The following ZFAND3 variants were observed in gnomAD, a reference collection of about 807,000 sequenced individuals.
ZFAND3 encodes the protein zinc finger AN1-type containing 3.
A neutral mutation model predicts 29.6 loss-of-function variants in ZFAND3; 10 were observed. The ratio of observed to expected loss-of-function variants is 0.34; its 90% CI spans 0.21 to 0.57. The LOEUF (loss-of-function observed/expected upper bound fraction) is 0.57, where lower values mean the gene tolerates loss of function less well. ZFAND3 is among the 20% of genes least tolerant of loss of function. The pLI is 0.86. For missense variants in ZFAND3, 230 were observed against 304.5 expected (o/e 0.76, Z 1.82); for synonymous variants, 128 against 112.6 (o/e 1.14, Z -0.87).
chr6:37,881,024 TAC>T (rs199808930), intron 1 of ZFAND3, among the ~76,000 whole-genome samples: 1 of 149,388 alleles, frequency 6.7e-6, no homozygotes, highest in South Asian at 2.1e-4. Context: ...AAAAAAAAAA[TAC>T]TCTTCAAGGG....
chr6:38,000,291 A>G (rs1025783381), intron 2 of ZFAND3, among the ~76,000 whole-genome samples: 1 of 152,220 alleles, frequency 6.6e-6, no homozygotes, highest in Admixed American at 6.5e-5. Context: ...TCTGAAATTG[A>G]GAAACTGTAT....
chr6:37,857,664 C>T (rs1242962134), intron 1 of ZFAND3, among the ~76,000 whole-genome samples: 1 of 152,078 alleles, frequency 6.6e-6, no homozygotes, highest in Non-Finnish European at 1.5e-5. Context: ...GGCGACTTGT[C>T]GAGCAGCTTG....
At chr6:37,936,949 T>G (rs1761709273) in intron 2 of ZFAND3, among the ~76,000 whole-genome samples, 1 of 152,254 alleles carries the variant, frequency 6.6e-6, no homozygotes. Context: ...ACATTTTTCT[T>G]GAAAGTGACT....
intron 3 of ZFAND3, among the ~76,000 whole-genome samples, chr6:38,081,285 A>T (rs1190034993): frequency 6.6e-6 from 1 of 151,828 alleles, no homozygotes; most frequent in Non-Finnish European, 1.5e-5. Context: ...AAAATTTCCC[A>T]TCTGTGTCTT....
At chr6:38,062,949 C>T (rs770346562) in intron 3 of ZFAND3, among the ~76,000 whole-genome samples, 1 of 150,900 alleles carries the variant, frequency 6.6e-6, no homozygotes, top group Admixed American at 6.6e-5. Flanking sequence ...ATTAGCCAGG[C>T]GTGGTGGTGT....
At chr6:37,872,213 GA>G (rs1308542553) in intron 1 of ZFAND3, among the ~76,000 whole-genome samples, 2 of 152,176 alleles carry the variant, frequency 1.3e-5, no homozygotes, top group Non-Finnish European at 2.9e-5. Context: ...AAGCCATTTA[GA>G]AAAACAAAAG....
At chr6:38,066,976 G>A (rs140277145) in intron 3 of ZFAND3, among the ~76,000 whole-genome samples, 117 of 152,290 alleles carry the variant, frequency 7.7e-4, no homozygotes, top group African/African-American at 2.5e-3. Context: ...GCCGTTGGAA[G>A]CCTTTTCCAA....
At chr6:38,019,395 A>C (rs942487194) in intron 2 of ZFAND3, among the ~76,000 whole-genome samples, 15 of 152,044 alleles carry the variant, frequency 9.9e-5, no homozygotes, top group Non-Finnish European at 8.8e-5. Context: ...TTTCTATTAG[A>C]CTTTGGGTCT....
At chr6:37,846,271 T>G (rs987523297) in intron 1 of ZFAND3, among the ~76,000 whole-genome samples, 2 of 152,172 alleles carry the variant, frequency 1.3e-5, no homozygotes, top group African/African-American at 4.8e-5. Context: ...AATATTCCAC[T>G]AAGAACCCAA....
intron 2 of ZFAND3, among the ~76,000 whole-genome samples, chr6:37,993,700 A>G (rs11757622): frequency 0.066 from 10,041 of 152,282 alleles, 410 homozygotes; most frequent in Non-Finnish European, 0.095. Flanking sequence ...CCAATAAAGT[A>G]TGTGTGCACG....
rs767113396 is a variant in ZFAND3, at chr6:38,055,889, G to T, written c.113-5704G>T. 8.2e-4 allele frequency among the ~76,000 whole-genome samples: 125 copies of T among 152,182 alleles called. 1 individual carries two copies. The highest frequency in any genetic ancestry group is 5.1e-4 in the Non-Finnish European group (35 of 68,022). ...AATGTAATCCAGTGATGGACTTTCT[G>T]CAGGAAAGCATTGGCCACTTATTTA... On this transcript the variant is annotated intron_variant, in intron 2 of 5. Transcript: ENST00000287218.
chr6:37,989,107 CA>C (rs1363622053), intron 2 of ZFAND3, among the ~76,000 whole-genome samples: 1 of 152,060 alleles, frequency 6.6e-6, no homozygotes, highest in Non-Finnish European at 1.5e-5. Flanking sequence ...AGGGTTTTGC[CA>C]TATTGGCCAG....
At chr6:38,127,902 C>T (rs1001916713) in intron 5 of ZFAND3, among the ~76,000 whole-genome samples, 7 of 152,184 alleles carry the variant, frequency 4.6e-5, no homozygotes, top group Non-Finnish European at 8.8e-5. Context: ...CTCACTGTAC[C>T]TCCCTGTCAC....
At chr6:38,017,790 G>C (rs1047842642) in intron 2 of ZFAND3, among the ~76,000 whole-genome samples, 1 of 151,882 alleles carries the variant, frequency 6.6e-6, no homozygotes, top group African/African-American at 2.4e-5. Context: ...CAATGATACA[G>C]ACCTGTTTGT....
intron 1 of ZFAND3, among the ~76,000 whole-genome samples, chr6:37,922,070 G>T (rs890366601): frequency 6.6e-5 from 10 of 151,850 alleles, no homozygotes; most frequent in African/African-American, 9.7e-5. Context: ...TCTCATAAAT[G>T]AAATATAAAA....
intron 1 of ZFAND3, among the ~76,000 whole-genome samples, chr6:37,863,532 A>G (rs542578424): frequency 1.3e-5 from 2 of 152,340 alleles, no homozygotes; most frequent in South Asian, 4.1e-4. Context: ...AAGGTTGATA[A>G]TAGAACTAGT....
At chr6:38,048,823 C>G (rs1218380376) in intron 2 of ZFAND3, among the ~76,000 whole-genome samples, 4 of 151,996 alleles carry the variant, frequency 2.6e-5, no homozygotes, top group African/African-American at 7.3e-5. Context: ...TATTATACCT[C>G]TAAACTTTCC....
intron 1 of ZFAND3, among the ~76,000 whole-genome samples, chr6:37,850,635 A>G (rs1764263420): frequency 6.6e-6 from 1 of 152,220 alleles, no homozygotes; most frequent in South Asian, 2.1e-4. Flanking sequence ...AGGCCATACC[A>G]CATAGCCTAG....
At chr6:38,044,793 G>A (rs999569067) in intron 2 of ZFAND3, among the ~76,000 whole-genome samples, 5 of 152,106 alleles carry the variant, frequency 3.3e-5, no homozygotes, top group Admixed American at 2.0e-4. Context: ...ATATTTTTGC[G>A]AAGATGCAAA....
Sources: allele counts gnomAD v4.1 joint callset (sites outside exome capture counted in the v4.1 genomes callset), GRCh38; gene constraint gnomAD v4.1.1; transcripts MANE v1.5; gene names NCBI Gene and HGNC (gene_info 2026-07-23, HGNC 2026-07-21).